HTR1E: variants seen among roughly 807,000 people sequenced by gnomAD.
HTR1E encodes 5-HT-1E.
In HTR1E, 3 loss-of-function variants were observed where a neutral mutation model predicts 3.4. The observed-to-expected ratio is 0.89, with a 90% CI of 0.41 to 2.31. The LOEUF (loss-of-function observed/expected upper bound fraction) is 2.31. HTR1E is among the 30% of genes most tolerant of loss of function. The pLI is 0.05. For missense variants in HTR1E, 392 were observed against 467.0 expected, an observed-to-expected ratio of 0.84 and a Z score of 1.48; for synonymous variants, 170 against 182.8, an observed-to-expected ratio of 0.93 and a Z score of 0.56.
At chr6:86,940,762 G>C (rs767870649) in intron 1 of HTR1E, among the ~76,000 whole-genome samples, 4 of 152,042 alleles carry the variant, frequency 2.6e-5, no homozygotes, top group Non-Finnish European at 5.9e-5. Context: ...ATGTGGGAAA[G>C]CATTCCCTCT....
At chr6:87,005,316 T>C (rs567444449) in intron 1 of HTR1E, among the ~76,000 whole-genome samples, 1 of 152,262 alleles carries the variant, frequency 6.6e-6, no homozygotes, top group African/African-American at 2.4e-5. Context: ...ACTGGACGAA[T>C]AACATTACTT....
intron 1 of HTR1E, among the ~76,000 whole-genome samples, chr6:86,959,660 G>A (rs1268830988): frequency 1.3e-5 from 2 of 152,202 alleles, no homozygotes; most frequent in Non-Finnish European, 2.9e-5. Context: ...CCTTAGCTGT[G>A]TAGGTAACAC....
chr6:86,979,379 A>C (rs1023001518), intron 1 of HTR1E, among the ~76,000 whole-genome samples: 1 of 152,250 alleles, frequency 6.6e-6, no homozygotes, highest in African/African-American at 2.4e-5. Context: ...AAAGGAGTCC[A>C]TGACTCAAAA....
intron 1 of HTR1E, among the ~76,000 whole-genome samples, chr6:87,010,334 T>C (rs1768196247): frequency 9.5e-6 from 1 of 105,050 alleles, no homozygotes; most frequent in African/African-American, 3.9e-5. Flanking sequence ...CCCACCTCCC[T>C]CCCGGACGGG....
chr6:86,943,472 C>T lies in HTR1E; in HGVS notation c.-186+5649C>T, dbSNP rs1025983205. ...CCCATTCTCTTGGCTGTATGAGCTG[C>T]ATGGTCTGTCATCGTTACAATGGGG... On this transcript the variant is annotated intron_variant, in intron 1 of 1. Coordinates refer to ENST00000305344, the MANE Select transcript of HTR1E (RefSeq NM_000865.3). Among the ~76,000 whole-genome samples the T allele has an allele frequency of 6.6e-5, 10 of 152,324 alleles. No individual in the cohort carries two copies. In the East Asian group the frequency reaches 1.7e-3, roughly 27 times the overall value.
chr6:86,992,922 G>C (rs1439260834), intron 1 of HTR1E, among the ~76,000 whole-genome samples: 1 of 152,112 alleles, frequency 6.6e-6, no homozygotes, highest in Non-Finnish European at 1.5e-5. Flanking sequence ...TTCAATGCAA[G>C]TCAGTGGTGG....
intron 1 of HTR1E, among the ~76,000 whole-genome samples, chr6:86,984,414 G>C (rs1214043195): frequency 3.9e-5 from 6 of 152,172 alleles, no homozygotes; most frequent in African/African-American, 1.2e-4. Flanking sequence ...TTGAGCTTCA[G>C]TGCTTAGAGC....
intron 1 of HTR1E, among the ~76,000 whole-genome samples, chr6:86,977,850 G>C (rs777826903): frequency 1.3e-5 from 2 of 152,092 alleles, no homozygotes; most frequent in African/African-American, 2.4e-5. Flanking sequence ...TTGGCTGCTT[G>C]TATCACTCCC....
At position 87,016,088 on chromosome 6, in the gene HTR1E, C is replaced by T. The variant is rs545460430; in HGVS notation, c.754C>T (p.Pro252Ser). 4 of 1,613,988 alleles carry T rather than the reference C, an allele frequency of 2.5e-6. No homozygotes were observed. The highest frequency in any genetic ancestry group is 1.7e-5 in the Admixed American group (1 of 60,008). Residue 252 changes from proline (P) to serine (S), a missense_variant, in exon 2 of 2, where the codon CCT becomes TCT. By Grantham distance (74) the Pro-to-Ser change is moderately conservative. Transcript: ENST00000305344. ...FCVSDFSTSDPTTEFEKFHAS... is the reference protein window; with the variant it reads ...FCVSDFSTSDSTTEFEKFHAS... ...TGTGTCTGACTTCTCCACCTCAGACCCTACCACAGAGTTTGAAAAGTTCCA... is the reference window on the plus strand; with the variant it reads ...TGTGTCTGACTTCTCCACCTCAGACTCTACCACAGAGTTTGAAAAGTTCCA...
intron 1 of HTR1E, among the ~76,000 whole-genome samples, chr6:86,984,507 C>T (rs1767755920): frequency 6.6e-6 from 1 of 152,036 alleles, no homozygotes; most frequent in Non-Finnish European, 1.5e-5. Context: ...AGAGAGCCAC[C>T]AACAAGAAAA....
At chr6:86,972,934 G>T (rs542028707) in intron 1 of HTR1E, among the ~76,000 whole-genome samples, 2 of 152,128 alleles carry the variant, frequency 1.3e-5, no homozygotes, top group Non-Finnish European at 2.9e-5. Context: ...CCCAGAGCAG[G>T]CAGATTAGGT....
At chr6:86,990,881 C>T (rs1173362151) in intron 1 of HTR1E, among the ~76,000 whole-genome samples, 1 of 152,080 alleles carries the variant, frequency 6.6e-6, no homozygotes, top group Non-Finnish European at 1.5e-5. Flanking sequence ...TAGTGATTCA[C>T]TTCTTAAAAA....
intron 1 of HTR1E, among the ~76,000 whole-genome samples, chr6:87,010,032 C>T (rs1473237431): frequency 2.9e-4 from 38 of 133,248 alleles, no homozygotes; most frequent in African/African-American, 1.0e-3. Flanking sequence ...ACCTCCCTCC[C>T]GGACGGGGTG....
intron 1 of HTR1E, chr6:86,970,383 A>G (rs1767532693): frequency 6.6e-6 from 1 of 152,202 alleles, no homozygotes; most frequent in South Asian, 2.1e-4. Context: ...TGGTTTGCTC[A>G]CCTGTAAAAT....
intron 1 of HTR1E, among the ~76,000 whole-genome samples, chr6:86,973,260 T>C (rs547753420): frequency 2.0e-5 from 3 of 151,918 alleles, no homozygotes; most frequent in South Asian, 2.1e-4. Context: ...GTTGCAATAG[T>C]CTGAGCAAGA....
intron 1 of HTR1E, among the ~76,000 whole-genome samples, chr6:86,974,559 C>T (rs1363206117): frequency 6.6e-6 from 1 of 152,200 alleles, no homozygotes; most frequent in Non-Finnish European, 1.5e-5. Flanking sequence ...AGAAATATCA[C>T]AGAAGTGATG....
At chr6:86,994,538 T>C (rs1767910301) in intron 1 of HTR1E, among the ~76,000 whole-genome samples, 1 of 151,952 alleles carries the variant, frequency 6.6e-6, no homozygotes, top group African/African-American at 2.4e-5. Flanking sequence ...GAAAATATCC[T>C]TCACTAATGA....
At chr6:86,997,632 A>G (rs1017255691) in intron 1 of HTR1E, among the ~76,000 whole-genome samples, 1 of 151,912 alleles carries the variant, frequency 6.6e-6, no homozygotes, top group Non-Finnish European at 1.5e-5. Flanking sequence ...TAAATCTAAC[A>G]TAACATATGC....
intron 1 of HTR1E, among the ~76,000 whole-genome samples, chr6:86,952,312 AG>A (rs1466786388): frequency 6.6e-6 from 1 of 152,178 alleles, no homozygotes; most frequent in East Asian, 1.9e-4. Flanking sequence ...CTAGAAAAAA[AG>A]GGAGTTTGGC....
Sources: allele counts gnomAD v4.1 joint callset (sites outside exome capture counted in the v4.1 genomes callset), GRCh38; gene constraint gnomAD v4.1.1; transcripts MANE v1.5; gene names NCBI Gene and HGNC (gene_info 2026-07-23, HGNC 2026-07-21).